Variants in RAD51B observed in about 807,000 individuals in gnomAD.
RAD51B encodes the protein DNA repair protein RAD51 homolog 2.
In RAD51B, 38 loss-of-function variants were observed where a neutral mutation model predicts 42.2. The ratio of observed to expected loss-of-function variants is 0.90; its 90% CI spans 0.70 to 1.18. The LOEUF is 1.18. Ranked by LOEUF, RAD51B falls within the 50% of genes most tolerant of loss-of-function variation. The probability of loss-of-function intolerance (pLI) is 0.00; values close to 1 mark genes in which losing one functional copy is unlikely to be tolerated. For synonymous variants in RAD51B, 154 were observed against 145.2 expected, an observed-to-expected ratio of 1.06 and a Z score of -0.43; for missense variants, 373 against 400.7, an observed-to-expected ratio of 0.93 and a Z score of 0.59.
intron 10 of RAD51B, among the ~76,000 whole-genome samples, chr14:68,568,119 G>A (rs1230318234): frequency 6.6e-6 from 1 of 152,094 alleles, no homozygotes; most frequent in African/African-American, 2.4e-5. Context: ...AACCACCAAT[G>A]ATACAAAAAA....
chr14:68,392,185 T>G (rs2083776446), intron 8 of RAD51B, among the ~76,000 whole-genome samples: 2 of 152,240 alleles, frequency 1.3e-5, no homozygotes, highest in South Asian at 4.1e-4. Flanking sequence ...AATCAAATTC[T>G]GTTTAAATGG....
At chr14:67,918,693 A>G (rs1224722997) in intron 7 of RAD51B, among the ~76,000 whole-genome samples, 2 of 152,206 alleles carry the variant, frequency 1.3e-5, no homozygotes, top group African/African-American at 4.8e-5. Context: ...GTCACAAGGA[A>G]AGGAATAGGG....
intron 10 of RAD51B, among the ~76,000 whole-genome samples, chr14:68,618,783 A>G (rs1276458785): frequency 1.3e-5 from 2 of 152,152 alleles, no homozygotes; most frequent in Admixed American, 6.5e-5. Flanking sequence ...GAGAAACTCA[A>G]ATTCAGGAGG....
intron 10 of RAD51B, among the ~76,000 whole-genome samples, chr14:68,492,294 T>C (rs1012746654): frequency 6.6e-6 from 1 of 152,226 alleles, no homozygotes; most frequent in Non-Finnish European, 1.5e-5. Context: ...AGGTAATAAA[T>C]AATCAATAGC....
chr14:68,185,576 G>A (rs992773094), intron 7 of RAD51B, among the ~76,000 whole-genome samples: 8 of 151,954 alleles, frequency 5.3e-5, no homozygotes, highest in African/African-American at 1.7e-4. Flanking sequence ...TAGGGAGAAA[G>A]AATAGAATTC....
At chr14:68,332,548 C>A (rs1314712285) in intron 8 of RAD51B, among the ~76,000 whole-genome samples, 1 of 152,222 alleles carries the variant, frequency 6.6e-6, no homozygotes, top group Admixed American at 6.5e-5. Flanking sequence ...CACCATGGAG[C>A]AGCCTCCTGG....
At chr14:68,308,976 G>A (rs2081920667) in intron 8 of RAD51B, among the ~76,000 whole-genome samples, 1 of 152,060 alleles carries the variant, frequency 6.6e-6, no homozygotes, top group African/African-American at 2.4e-5. Context: ...CAAAACAGAG[G>A]GAAAAATCCT....
intron 10 of RAD51B, among the ~76,000 whole-genome samples, chr14:68,502,063 C>T (rs147686662): frequency 6.6e-4 from 101 of 152,376 alleles, no homozygotes; most frequent in African/African-American, 2.3e-3. Context: ...TCTGAGCCAT[C>T]AAAGGAGCCT....
At chr14:68,516,891 T>C (rs1886193849) in intron 10 of RAD51B, among the ~76,000 whole-genome samples, 1 of 152,216 alleles carries the variant, frequency 6.6e-6, no homozygotes, top group South Asian at 2.1e-4. Flanking sequence ...AGGTGTTAAG[T>C]TCACTATGGC....
At chr14:68,254,450 G>A (rs903859633) in intron 7 of RAD51B, among the ~76,000 whole-genome samples, 1 of 151,936 alleles carries the variant, frequency 6.6e-6, no homozygotes, top group African/African-American at 2.4e-5. Context: ...TTTTGATTGT[G>A]GGCAAAAAAC....
intron 3 of RAD51B, among the ~76,000 whole-genome samples, chr14:67,830,362 G>T (rs1476602580): frequency 1.3e-5 from 2 of 152,096 alleles, no homozygotes; most frequent in Non-Finnish European, 2.9e-5. Flanking sequence ...TTAATGCAGA[G>T]GTTATAGTGT....
intron 7 of RAD51B, among the ~76,000 whole-genome samples, chr14:68,129,902 A>C (rs190971283): frequency 1.3e-5 from 2 of 152,360 alleles, no homozygotes; most frequent in African/African-American, 4.8e-5. Context: ...TCATTGGTCT[A>C]TAGGTGTGTT....
intron 7 of RAD51B, among the ~76,000 whole-genome samples, chr14:68,075,523 G>C (rs1217947611): frequency 2.0e-5 from 3 of 152,140 alleles, no homozygotes; most frequent in African/African-American, 7.2e-5. Flanking sequence ...GAGAGACTGG[G>C]CTCCCCTCCA....
At chr14:68,032,682 C>G (rs1454798609) in intron 7 of RAD51B, among the ~76,000 whole-genome samples, 2 of 152,174 alleles carry the variant, frequency 1.3e-5, no homozygotes, top group Non-Finnish European at 2.9e-5. Context: ...TTCTACTATT[C>G]TCCCCTTTGC....
chr14:68,475,715 C>A (rs959830693), intron 10 of RAD51B, among the ~76,000 whole-genome samples: 1 of 151,740 alleles, frequency 6.6e-6, no homozygotes, highest in African/African-American at 2.4e-5. Flanking sequence ...AACAAAATAT[C>A]AGTTGAAATA....
chr14:68,180,009 C>T (rs1566708727), intron 7 of RAD51B, among the ~76,000 whole-genome samples: 1 of 152,034 alleles, frequency 6.6e-6, no homozygotes, highest in Non-Finnish European at 1.5e-5. Flanking sequence ...GGAGAGGGTG[C>T]CCTGTATTCC....
chr14:68,093,342 G>C (rs927316674), intron 7 of RAD51B, among the ~76,000 whole-genome samples: 2 of 152,122 alleles, frequency 1.3e-5, no homozygotes, highest in Non-Finnish European at 2.9e-5. Flanking sequence ...GACTCTTTTT[G>C]GTTGGTAAGC....
chr14:68,564,926 A>T (rs1228311122), intron 10 of RAD51B, among the ~76,000 whole-genome samples: 1 of 152,166 alleles, frequency 6.6e-6, no homozygotes, highest in African/African-American at 2.4e-5. Flanking sequence ...CCCTAGTGAC[A>T]TCCGTCATGT....
At chr14:68,502,654 A>G (rs1489244880) in intron 10 of RAD51B, among the ~76,000 whole-genome samples, 3 of 152,210 alleles carry the variant, frequency 2.0e-5, no homozygotes, top group South Asian at 2.1e-4. Context: ...AAAAGAACAG[A>G]CGGACTGAAC....
Sources: allele counts gnomAD v4.1 joint callset (sites outside exome capture counted in the v4.1 genomes callset), GRCh38; gene constraint gnomAD v4.1.1; transcripts MANE v1.5; gene names NCBI Gene and HGNC (gene_info 2026-07-23, HGNC 2026-07-21).